Variants in SCG5 observed in about 807,000 individuals in gnomAD.
The protein encoded by SCG5 is neuroendocrine protein 7B2.
Under a neutral mutation model 25.7 loss-of-function variants are expected in SCG5, and 18 were observed. The observed-to-expected ratio is 0.70, with a 90% confidence interval of 0.48 to 1.04. The LOEUF (loss-of-function observed/expected upper bound fraction) is 1.04, where lower values mean the gene tolerates loss of function less well. Ranked by LOEUF, SCG5 falls within the 50% of genes least tolerant of loss-of-function variation. The pLI, the probability that SCG5 is intolerant of heterozygous loss-of-function variation, is 0.00. For missense variants in SCG5, 206 were observed against 259.8 expected (o/e 0.79, Z 1.42); for synonymous variants, 101 against 91.7 (o/e 1.10, Z -0.58).
intron 4 of SCG5, among the ~76,000 whole-genome samples, chr15:32,688,929 G>A (rs373148511): frequency 1.5e-4 from 21 of 138,600 alleles, no homozygotes; most frequent in Non-Finnish European, 2.1e-4. Flanking sequence ...ACTGCAGTCC[G>A]GCCTGGGCAA....
chr15:32,687,215 A>C (rs886780063), intron 4 of SCG5, among the ~76,000 whole-genome samples: 2 of 152,056 alleles, frequency 1.3e-5, no homozygotes, highest in Non-Finnish European at 2.9e-5. Flanking sequence ...ATCAAATTCC[A>C]CTCACTTCCA....
rs1394775142 is a variant in SCG5 at position 32,641,763 on chromosome 15, C to T, written c.-23C>T. 6.6e-6 allele frequency: 1 copy of T among 152,314 alleles called. No individual in the cohort carries two copies. Among genetic ancestry groups the T allele is most frequent in the African/African-American group, 2.4e-5 (1 of 41,448 alleles). The allele number at this position is 152,314 out of a possible 1,614,324, so 9.4% of individuals were successfully genotyped here. ...CCAAGGCCCATACCGCAGTAGGCTCCTCGGGCTGCCCCTCGGTGAGTACAG... is the reference window on the plus strand; with the variant it reads ...CCAAGGCCCATACCGCAGTAGGCTCTTCGGGCTGCCCCTCGGTGAGTACAG... On this transcript the variant is annotated 5_prime_UTR_variant, in exon 1 of 6. Transcript: ENST00000300175.
chr15:32,696,718 A>C lies in SCG5; in HGVS notation c.*109A>C. The C allele has an allele frequency of 1.5e-6, 1 of 684,784 alleles. No individual in the cohort carries two copies. The highest frequency in any genetic ancestry group is 2.7e-5 in the East Asian group (1 of 36,738). 42.4% of individuals were successfully genotyped at this position (684,784 alleles called of 1,614,324 possible). On this transcript the variant is annotated 3_prime_UTR_variant, in exon 6 of 6. Transcript: ENST00000300175. ...TGACAGCATGTTTCTTACATAGATA[A>C]TTATGGATACAAAGCAGCTGTATGT...
intron 5 of SCG5, among the ~76,000 whole-genome samples, chr15:32,693,328 A>G (rs1454302947): frequency 2.0e-5 from 3 of 152,226 alleles, no homozygotes. Flanking sequence ...CACATGCTAT[A>G]AAGGATTTTA....
intron 2 of SCG5, among the ~76,000 whole-genome samples, chr15:32,661,452 C>G (rs1047106096): frequency 6.6e-6 from 1 of 152,124 alleles, no homozygotes; most frequent in Non-Finnish European, 1.5e-5. Context: ...GAAACCCTGT[C>G]TCTACTAAAA....
chr15:32,673,985 C>T (rs2054487937), intron 2 of SCG5, among the ~76,000 whole-genome samples: 1 of 152,164 alleles, frequency 6.6e-6, no homozygotes, highest in Non-Finnish European at 1.5e-5. Flanking sequence ...TCCCAAAGTG[C>T]TGGCATTATA....
chr15:32,671,997 G>A (rs2140551945), intron 2 of SCG5, among the ~76,000 whole-genome samples: 1 of 152,370 alleles, frequency 6.6e-6, no homozygotes, highest in South Asian at 2.1e-4. Flanking sequence ...GGAAACCAAA[G>A]GAGGCCAGGC....
chr15:32,691,052 A>T (rs2054846150), intron 4 of SCG5, among the ~76,000 whole-genome samples: 1 of 152,106 alleles, frequency 6.6e-6, no homozygotes, highest in Admixed American at 6.5e-5. Context: ...ATTGAAGCCC[A>T]CTATGTGTTT....
chr15:32,685,584 T>C (rs1227176708), intron 4 of SCG5, among the ~76,000 whole-genome samples: 1 of 152,172 alleles, frequency 6.6e-6, no homozygotes, highest in Non-Finnish European at 1.5e-5. Context: ...CTTGTACTTA[T>C]CAGATTCCCA....
intron 4 of SCG5, among the ~76,000 whole-genome samples, chr15:32,689,506 G>T (rs181738216): frequency 6.6e-5 from 10 of 152,280 alleles, no homozygotes; most frequent in African/African-American, 2.4e-4. Context: ...GATCTGGACA[G>T]TTGTCCAAAA....
intron 3 of SCG5, among the ~76,000 whole-genome samples, chr15:32,680,194 C>CTTTTT (rs10549438): frequency 1.7e-5 from 2 of 114,598 alleles, no homozygotes; most frequent in Non-Finnish European, 3.6e-5. Flanking sequence ...ACTTGCTACT[C>CTTTTT]TTTTTTTTTT....
At chr15:32,648,359 C>T (rs954210315) in intron 2 of SCG5, among the ~76,000 whole-genome samples, 3 of 151,954 alleles carry the variant, frequency 2.0e-5, no homozygotes, top group Non-Finnish European at 1.5e-5. Flanking sequence ...ACTCATCTTC[C>T]TGCTTCTATT....
At chr15:32,673,527 CGTGT>C (rs55968956) in intron 2 of SCG5, among the ~76,000 whole-genome samples, 41 of 134,938 alleles carry the variant, frequency 3.0e-4, no homozygotes, top group African/African-American at 5.9e-4. Context: ...ATAAGATCCC[CGTGT>C]GTGTGTGTGT....
intron 2 of SCG5, among the ~76,000 whole-genome samples, chr15:32,673,334 C>G (rs939083804): frequency 6.6e-6 from 1 of 152,160 alleles, no homozygotes; most frequent in Non-Finnish European, 1.5e-5. Context: ...CCTAGGCACT[C>G]TCTCGGAGCT....
chr15:32,693,960 A>G (rs1020001465), intron 5 of SCG5, among the ~76,000 whole-genome samples: 2 of 152,110 alleles, frequency 1.3e-5, no homozygotes, highest in Non-Finnish European at 2.9e-5. Context: ...AAGTACAAAA[A>G]TTAGCCGGGC....
chr15:32,670,914 A>G (rs570158914), intron 2 of SCG5, among the ~76,000 whole-genome samples: 1 of 152,372 alleles, frequency 6.6e-6, no homozygotes, highest in East Asian at 1.9e-4. Context: ...AAAAATATGC[A>G]GGATCATTAA....
intron 4 of SCG5, among the ~76,000 whole-genome samples, chr15:32,688,681 G>A (rs1011495924): frequency 9.9e-5 from 15 of 152,214 alleles, no homozygotes; most frequent in African/African-American, 3.1e-4. Flanking sequence ...TTAATAGGCC[G>A]GGCACAGTGG....
chr15:32,658,910 C>T (rs368264279), intron 2 of SCG5, among the ~76,000 whole-genome samples: 2 of 152,192 alleles, frequency 1.3e-5, no homozygotes, highest in South Asian at 4.1e-4. Flanking sequence ...GGCGTGGTGG[C>T]TTATGCCCGT....
Position 32,663,075 on chromosome 15 carries a change from AT to A in SCG5, c.227-16690del, listed in dbSNP as rs1567076515. Among the ~76,000 whole-genome samples, 377 of 57,030 alleles carry A rather than the reference AT, an allele frequency of 6.6e-3. 12 individuals carry two copies. Among genetic ancestry groups the A allele is most frequent in the East Asian group, 0.062 (118 of 1,918 alleles). The allele number at this position is 57,030 out of a possible 152,430, so 37.4% of individuals were successfully genotyped here. A position where few individuals can be genotyped will look rare whatever the true frequency, so the allele number is the denominator to read the frequency against. On this transcript the variant is annotated intron_variant, in intron 2 of 5. Transcript: ENST00000300175. The stretch of plus-strand genomic sequence containing the variant: ...TATATATATATATATATATATATAT[AT>A]ATAATATATAATATGTTATATATAC...
Sources: allele counts gnomAD v4.1 joint callset (sites outside exome capture counted in the v4.1 genomes callset), GRCh38; gene constraint gnomAD v4.1.1; transcripts MANE v1.5; gene names NCBI Gene and HGNC (gene_info 2026-07-23, HGNC 2026-07-21).